Variants in SYT2 observed in about 807,000 individuals in gnomAD.
The protein encoded by SYT2 is synaptotagmin-2.
A neutral mutation model predicts 39.9 loss-of-function variants in SYT2; 15 were observed. The observed-to-expected ratio is 0.38, with a 90% confidence interval of 0.25 to 0.58. The LOEUF is 0.58. SYT2 is among the 20% of genes least tolerant of loss of function. The probability of loss-of-function intolerance (pLI) is 0.70; values close to 1 mark genes in which losing one functional copy is unlikely to be tolerated. For missense variants in SYT2, 389 were observed against 530.3 expected (o/e 0.73, Z 2.62); for synonymous variants, 181 against 204.5 (o/e 0.89, Z 0.98).
chr1:202,599,151 C>T lies in SYT2; in HGVS notation c.1053+67G>A, dbSNP rs1434901963. The T allele has an allele frequency of 8.8e-6, 14 of 1,589,030 alleles. No individual in the cohort carries two copies. Among genetic ancestry groups the T allele is most frequent in the African/African-American group, 1.4e-5 (1 of 73,198 alleles). Reference sequence around the variant, plus strand: ...GGTCTCTAGGTGAGTTCCCTCTCTTCAACCTCCCCATACATGTTTGCCTCC... The same window carrying T: ...GGTCTCTAGGTGAGTTCCCTCTCTTTAACCTCCCCATACATGTTTGCCTCC... On this transcript the variant is annotated intron_variant, in intron 8 of 8. Coordinates refer to ENST00000367268, the MANE Select transcript of SYT2 (RefSeq NM_177402.5). This position sits in a 1 kb window ranked among gnomAD's most constrained non-coding sequence, Gnocchi z 4.4.
chr1:202,648,022 A>G (rs1005823525), intron 1 of SYT2, among the ~76,000 whole-genome samples: 2 of 152,226 alleles, frequency 1.3e-5, no homozygotes, highest in Non-Finnish European at 2.9e-5. Context: ...CAGCTGTGTG[A>G]CCTTGGTCAA....
At chr1:202,643,108 G>C (rs1691967774) in intron 1 of SYT2, among the ~76,000 whole-genome samples, 1 of 152,238 alleles carries the variant, frequency 6.6e-6, no homozygotes, top group African/African-American at 2.4e-5. Flanking sequence ...CCTACTCTTA[G>C]TTTACCCCGC....
At position 202,636,814 on chromosome 1, in the gene SYT2, C is replaced by G. The variant is rs1229971615; in HGVS notation, c.-17-31025G>C. On this transcript the variant is annotated intron_variant, in intron 1 of 8. Transcript: ENST00000367268. ...TCATACATTAAATCCTCATGCCAAC[C>G]TGATGGCAAGCTATTTCATTTCCAT... Among the ~76,000 whole-genome samples, 14 of 152,210 alleles carry G rather than the reference C, an allele frequency of 9.2e-5. No homozygotes were observed. In the East Asian group the frequency reaches 2.3e-3, roughly 25 times the overall value.
chr1:202,626,860 T>G (rs1475088956), intron 1 of SYT2, among the ~76,000 whole-genome samples: 2 of 152,208 alleles, frequency 1.3e-5, no homozygotes, highest in African/African-American at 2.4e-5. Flanking sequence ...GGATCATTTC[T>G]TAGCTACAAA....
At chr1:202,597,579 G>A (rs888468767) in intron 8 of SYT2, among the ~76,000 whole-genome samples, 4 of 152,206 alleles carry the variant, frequency 2.6e-5, no homozygotes, top group Non-Finnish European at 5.9e-5. Context: ...AGGAAATGAG[G>A]CTGGTAGAGT....
At chr1:202,619,318 A>G (rs530773212) in intron 1 of SYT2, among the ~76,000 whole-genome samples, 73 of 152,248 alleles carry the variant, frequency 4.8e-4, no homozygotes, top group Middle Eastern at 6.8e-3. Flanking sequence ...CCGAGCAGGA[A>G]AGCATGAAAT....
At chr1:202,626,740 A>G (rs1691428657) in intron 1 of SYT2, among the ~76,000 whole-genome samples, 1 of 152,116 alleles carries the variant, frequency 6.6e-6, no homozygotes, top group African/African-American at 2.4e-5. Flanking sequence ...GGCAAGCGGC[A>G]GAAAGGGTGG....
At chr1:202,597,182 A>G (rs1465009285) in intron 8 of SYT2, among the ~76,000 whole-genome samples, 4 of 152,234 alleles carry the variant, frequency 2.6e-5, no homozygotes, top group African/African-American at 2.4e-5. Flanking sequence ...TTGAGGATGT[A>G]CTGTGCTCTA....
intron 1 of SYT2, among the ~76,000 whole-genome samples, chr1:202,609,737 G>T (rs972396818): frequency 1.1e-4 from 17 of 152,090 alleles, no homozygotes; most frequent in Non-Finnish European, 2.1e-4. Flanking sequence ...TGATGGGGTT[G>T]TTTTTTTCTT....
chr1:202,697,460 T>A (rs1654002413), intron 1 of SYT2, among the ~76,000 whole-genome samples: 1 of 152,250 alleles, frequency 6.6e-6, no homozygotes, highest in South Asian at 2.1e-4. Context: ...CGAACTTGTG[T>A]AAAGTTGTGA....
intron 1 of SYT2, among the ~76,000 whole-genome samples, chr1:202,691,716 G>A (rs934022325): frequency 1.8e-4 from 6 of 33,560 alleles, no homozygotes; most frequent in South Asian, 2.5e-3. Context: ...AGAGGGAGAG[G>A]GAGAGGGAGA....
At chr1:202,621,527 C>A (rs780884279) in intron 1 of SYT2, among the ~76,000 whole-genome samples, 1 of 152,140 alleles carries the variant, frequency 6.6e-6, no homozygotes, top group Non-Finnish European at 1.5e-5. Flanking sequence ...GAACTCCTGG[C>A]CTCATGAACT....
intron 1 of SYT2, among the ~76,000 whole-genome samples, chr1:202,650,988 C>T (rs1470474899): frequency 3.6e-5 from 5 of 140,058 alleles, no homozygotes; most frequent in Non-Finnish European, 6.2e-5. Context: ...AAGAAGGGGC[C>T]GGGAGTGGGG....
chr1:202,636,595 T>G (rs1691745871), intron 1 of SYT2: 1 of 154,872 alleles, frequency 6.5e-6, no homozygotes, highest in Admixed American at 6.5e-5. Context: ...GTTCACTGGA[T>G]TCTAGGTTCT....
chr1:202,704,973 A>G (rs564896089), intron 1 of SYT2, among the ~76,000 whole-genome samples: 12 of 152,212 alleles, frequency 7.9e-5, no homozygotes, highest in Non-Finnish European at 1.8e-4. Context: ...ATCACTGCCT[A>G]ATTTTTGTAA....
intron 1 of SYT2, among the ~76,000 whole-genome samples, chr1:202,625,192 G>A (rs1241162624): frequency 1.0e-5 from 1 of 100,326 alleles, no homozygotes; most frequent in Non-Finnish European, 2.0e-5. Flanking sequence ...TGTGTGGCAT[G>A]TAGTAGGGTG....
At chr1:202,686,957 T>C (rs1184221802) in intron 1 of SYT2, among the ~76,000 whole-genome samples, 3 of 152,082 alleles carry the variant, frequency 2.0e-5, no homozygotes, top group Non-Finnish European at 4.4e-5. Flanking sequence ...TCTTCTCTGA[T>C]TCCCTTGGGC....
intron 1 of SYT2, among the ~76,000 whole-genome samples, chr1:202,635,759 A>G (rs1178637588): frequency 1.3e-5 from 2 of 152,134 alleles, no homozygotes; most frequent in Non-Finnish European, 2.9e-5. Flanking sequence ...GGTCACCCCC[A>G]TGGTTCTTGG....
At chr1:202,631,258 T>C (rs1450667149) in intron 1 of SYT2, among the ~76,000 whole-genome samples, 3 of 152,106 alleles carry the variant, frequency 2.0e-5, no homozygotes, top group Admixed American at 2.0e-4. Flanking sequence ...CAGTTCACCC[T>C]ACAGATGACC....
Sources: allele counts gnomAD v4.1 joint callset (sites outside exome capture counted in the v4.1 genomes callset), GRCh38; gene constraint gnomAD v4.1.1; non-coding constraint Gnocchi (gnomAD v3.1); transcripts MANE v1.5; gene names NCBI Gene and HGNC (gene_info 2026-07-23, HGNC 2026-07-21).